The following GABRB2 variants were observed in gnomAD, a reference collection of about 807,000 sequenced individuals.
GABRB2 encodes the protein gamma-aminobutyric acid type A receptor subunit beta2.
Under a neutral mutation model 54.7 loss-of-function variants are expected in GABRB2, and 16 were observed. That is an observed-to-expected ratio of 0.29 (90% CI 0.20 to 0.44). The LOEUF (loss-of-function observed/expected upper bound fraction) is 0.44, where lower values mean the gene tolerates loss of function less well. Among genes scored for constraint, GABRB2 ranks in the 20% least tolerant of loss-of-function variants. GABRB2 has a pLI of 1.00. For synonymous variants in GABRB2, 244 were observed against 233.8 expected (o/e 1.04, Z -0.40); for missense variants, 355 against 644.0 (o/e 0.55, Z 4.86).
At chr5:161,381,072 T>C (rs989724128) in intron 5 of GABRB2, among the ~76,000 whole-genome samples, 1 of 152,194 alleles carries the variant, frequency 6.6e-6, no homozygotes, top group African/African-American at 2.4e-5. Flanking sequence ...CCTGTACATA[T>C]ACTTATTTCT....
Position 161,289,706 on chromosome 5 carries a change from T to A in GABRB2, c.*4375A>T, listed in dbSNP as rs1368559229. The stretch of plus-strand genomic sequence containing the variant: ...CATTTCAAAGGCTATCTCTTGTTTG[T>A]TATATTGACTACATAAATAGTAGAG... On this transcript the variant is annotated 3_prime_UTR_variant, in exon 10 of 10. Coordinates refer to ENST00000393959, the MANE Select transcript of GABRB2 (RefSeq NM_001371727.1). 2.6e-5 allele frequency: 4 copies of A among 152,102 alleles called. No individual in the cohort carries two copies. The South Asian group carries it at 8.3e-4, about 32-fold the overall frequency. The allele number at this position is 152,102 out of a possible 1,614,324, so 9.4% of individuals were successfully genotyped here. A position where few individuals can be genotyped will look rare whatever the true frequency, so the allele number is the denominator to read the frequency against.
At chr5:161,425,215 A>C (rs1382740249) in intron 4 of GABRB2, among the ~76,000 whole-genome samples, 1 of 152,198 alleles carries the variant, frequency 6.6e-6, no homozygotes, top group Non-Finnish European at 1.5e-5. Context: ...AAACAGCAGC[A>C]TGGTTTGAAG....
At chr5:161,463,412 A>G (rs962963812) in intron 3 of GABRB2, among the ~76,000 whole-genome samples, 1 of 150,924 alleles carries the variant, frequency 6.6e-6, no homozygotes, top group African/African-American at 2.4e-5. Flanking sequence ...CACAAAGTGA[A>G]TATTGTTAAG....
chr5:161,429,764 C>A (rs1757121281), intron 4 of GABRB2, among the ~76,000 whole-genome samples: 1 of 152,084 alleles, frequency 6.6e-6, no homozygotes, highest in East Asian at 1.9e-4. Flanking sequence ...CAAGGAGCCA[C>A]AAACTCAGAC....
chr5:161,515,132 C>G (rs1209655114), intron 3 of GABRB2, among the ~76,000 whole-genome samples: 1 of 152,068 alleles, frequency 6.6e-6, no homozygotes, highest in African/African-American at 2.4e-5. Flanking sequence ...AAAATAAACC[C>G]TGTTTCTAAA....
chr5:161,506,593 G>A (rs1490992743), intron 3 of GABRB2, among the ~76,000 whole-genome samples: 4 of 152,024 alleles, frequency 2.6e-5, no homozygotes, highest in African/African-American at 4.8e-5. Flanking sequence ...TATGGCTATT[G>A]TCATGCTATA....
At chr5:161,430,385 G>GA (rs551361176) in intron 4 of GABRB2, among the ~76,000 whole-genome samples, 7 of 152,226 alleles carry the variant, frequency 4.6e-5, no homozygotes, top group South Asian at 4.1e-4. Context: ...ACACAGGACA[G>GA]AAAAAAATGT....
At chr5:161,543,554 G>C (rs1178848757) in intron 3 of GABRB2, among the ~76,000 whole-genome samples, 3 of 152,112 alleles carry the variant, frequency 2.0e-5, no homozygotes, top group African/African-American at 7.2e-5. Context: ...CATAAAAAAA[G>C]CAAAATGCAA....
At chr5:161,539,487 T>C (rs1442470511) in intron 3 of GABRB2, among the ~76,000 whole-genome samples, 1 of 152,228 alleles carries the variant, frequency 6.6e-6, no homozygotes, top group Non-Finnish European at 1.5e-5. Flanking sequence ...AACTTCTTTA[T>C]ATCCAATAGA....
intron 4 of GABRB2, among the ~76,000 whole-genome samples, chr5:161,456,042 C>A (rs1757944798): frequency 6.6e-6 from 1 of 152,156 alleles, no homozygotes. Flanking sequence ...CCTACCCCAC[C>A]AATCTTTGTT....
intron 5 of GABRB2, among the ~76,000 whole-genome samples, chr5:161,405,910 T>C (rs1756336648): frequency 6.6e-6 from 1 of 152,068 alleles, no homozygotes. Context: ...ATTCCATCAA[T>C]GACCCAACAA....
chr5:161,332,348 G>T (rs1753877862), intron 7 of GABRB2, among the ~76,000 whole-genome samples: 4 of 152,070 alleles, frequency 2.6e-5, no homozygotes, highest in Non-Finnish European at 5.9e-5. Flanking sequence ...TAACAGAGAA[G>T]CAGGAATCAT....
intron 3 of GABRB2, among the ~76,000 whole-genome samples, chr5:161,532,439 G>A (rs1192282653): frequency 6.6e-6 from 1 of 152,098 alleles, no homozygotes; most frequent in East Asian, 1.9e-4. Context: ...TCCTCCCAGA[G>A]ACTACCTGAA....
At chr5:161,457,217 G>A (rs1274888946) in intron 4 of GABRB2, among the ~76,000 whole-genome samples, 1 of 152,118 alleles carries the variant, frequency 6.6e-6, no homozygotes, top group African/African-American at 2.4e-5. Flanking sequence ...TTAATTCTAT[G>A]TATGTTAGAT....
chr5:161,367,664 TCCTC>T (rs1160928631), intron 5 of GABRB2, among the ~76,000 whole-genome samples: 3 of 152,198 alleles, frequency 2.0e-5, no homozygotes, highest in African/African-American at 4.8e-5. Flanking sequence ...TGTTGCATCT[TCCTC>T]AGTTGCATTA....
intron 3 of GABRB2, among the ~76,000 whole-genome samples, chr5:161,470,054 C>A (rs1674054898): frequency 6.8e-6 from 1 of 147,686 alleles, no homozygotes; most frequent in Non-Finnish European, 1.5e-5. Context: ...CTTGATACAT[C>A]TTTTCTTTCC....
At chr5:161,512,212 T>C (rs1240704486) in intron 3 of GABRB2, among the ~76,000 whole-genome samples, 2 of 152,024 alleles carry the variant, frequency 1.3e-5, no homozygotes, top group Non-Finnish European at 2.9e-5. Context: ...ACAAAAGTCA[T>C]TTGTTCACAA....
At chr5:161,309,604 AC>A (rs1757799155) in intron 9 of GABRB2, among the ~76,000 whole-genome samples, 1 of 151,980 alleles carries the variant, frequency 6.6e-6, no homozygotes, top group South Asian at 2.1e-4. Flanking sequence ...CATGAAATCA[AC>A]CTAAATGCCC....
Position 161,523,074 on chromosome 5 carries a change from A to T in GABRB2, c.237+22153T>A, listed in dbSNP as rs569084075. Among the ~76,000 whole-genome samples, 23 of 151,604 alleles carry T rather than the reference A, an allele frequency of 1.5e-4. No homozygotes were observed. In the East Asian group the frequency reaches 4.2e-3, roughly 28 times the overall value. On this transcript the variant is annotated intron_variant, in intron 3 of 9. Coordinates refer to ENST00000393959, the MANE Select transcript of GABRB2 (RefSeq NM_001371727.1). ...ATCTTTTGAGCTTGATACTATTATT[A>T]TTTATATTCATACCCAAATTATTCA...
Sources: allele counts gnomAD v4.1 joint callset (sites outside exome capture counted in the v4.1 genomes callset), GRCh38; gene constraint gnomAD v4.1.1; transcripts MANE v1.5; gene names NCBI Gene and HGNC (gene_info 2026-07-23, HGNC 2026-07-21).